Variants in DISP3 observed in about 807,000 individuals in gnomAD.
DISP3 encodes dispatched RND transporter family member 3, also known as protein dispatched homolog 3.
A neutral mutation model predicts 135.3 loss-of-function variants in DISP3; 101 were observed. The ratio of observed to expected loss-of-function variants is 0.75; its 90% CI spans 0.64 to 0.88. DISP3 has a LOEUF of 0.88. Ranked by LOEUF, DISP3 falls within the 40% of genes least tolerant of loss-of-function variation. The pLI, the probability that DISP3 is intolerant of heterozygous loss-of-function variation, is 0.00. For missense variants in DISP3, 1,713 were observed against 1,878.6 expected (o/e 0.91, Z 1.63); for synonymous variants, 856 against 817.0 (o/e 1.05, Z -0.81).
chr1:11,536,239 T>TG lies in DISP3; in HGVS notation c.3817-81dup, dbSNP rs1642702574. On this transcript the variant is annotated intron_variant, in intron 20 of 20. Coordinates refer to ENST00000294484, the MANE Select transcript of DISP3 (RefSeq NM_020780.2). The surrounding 1 kb of genome is among the most constrained non-coding windows in gnomAD (Gnocchi z 4.3). The stretch of plus-strand genomic sequence containing the variant: ...CCAGTAACAGAGCAGGAACCTGGCG[T>TG]GGGGTGGGGGTGCGTGATTCCCCAG... The TG allele has an allele frequency of 2.5e-5, 37 of 1,494,608 alleles. No homozygotes were observed. The South Asian group carries it at 4.9e-4, about 20-fold the overall frequency. 92.6% of individuals were successfully genotyped at this position (1,494,608 alleles called of 1,614,324 possible).
At chr1:11,533,152 C>G (rs1288945342) in intron 17 of DISP3, among the ~76,000 whole-genome samples, 1 of 152,056 alleles carries the variant, frequency 6.6e-6, no homozygotes, top group South Asian at 2.1e-4. Context: ...CCCCCTCCCA[C>G]AGCCACTGGC....
Position 11,496,013 on chromosome 1 carries a change from T to C in DISP3, c.-3-4977T>C, listed in dbSNP as rs537360431. 4.6e-5 allele frequency among the ~76,000 whole-genome samples: 7 copies of C among 152,328 alleles called. No individual in the cohort carries two copies. In the South Asian group the frequency reaches 1.4e-3, roughly 32 times the overall value. On this transcript the variant is annotated intron_variant, in intron 1 of 20. Coordinates refer to ENST00000294484, the MANE Select transcript of DISP3 (RefSeq NM_020780.2). ...ATATACCTGATCATTGCAGAAAAATTAGAAACAGACAAGTACAAAGGAGAA... is the reference window on the plus strand; with the variant it reads ...ATATACCTGATCATTGCAGAAAAATCAGAAACAGACAAGTACAAAGGAGAA...
At position 11,491,535 on chromosome 1, in the gene DISP3, C is replaced by G. The variant is rs117334785; in HGVS notation, c.-3-9455C>G. On this transcript the variant is annotated intron_variant, in intron 1 of 20. Coordinates refer to ENST00000294484, the MANE Select transcript of DISP3 (RefSeq NM_020780.2). The surrounding 1 kb of genome is among the most constrained non-coding windows in gnomAD (Gnocchi z 4.3). Reference sequence around the variant, plus strand: ...CTGAGCGGGGAGGACCACTCGAGCCCGGGAGGTCGAGGCTGCAGTGAACCA... The same window carrying G: ...CTGAGCGGGGAGGACCACTCGAGCCGGGGAGGTCGAGGCTGCAGTGAACCA... Among the ~76,000 whole-genome samples, 161 of 152,136 alleles carry G rather than the reference C, an allele frequency of 1.1e-3. 3 individuals are homozygous for G. The East Asian group carries it at 0.03, about 28-fold the overall frequency.
intron 1 of DISP3, among the ~76,000 whole-genome samples, chr1:11,493,786 T>G (rs1641254306): frequency 6.6e-6 from 1 of 152,068 alleles, no homozygotes; most frequent in African/African-American, 2.4e-5. Flanking sequence ...CAGAATCATG[T>G]TTGGCCAAAT....
Position 11,491,733 on chromosome 1 carries a change from C to T in DISP3, c.-3-9257C>T, listed in dbSNP as rs1641188455. Among the ~76,000 whole-genome samples the T allele has an allele frequency of 6.6e-6, 1 of 152,134 alleles. No homozygotes were observed. Among genetic ancestry groups the T allele is most frequent in the Non-Finnish European group, 1.5e-5 (1 of 68,014 alleles). On this transcript the variant is annotated intron_variant, in intron 1 of 20. Transcript: ENST00000294484. This position sits in a 1 kb window ranked among gnomAD's most constrained non-coding sequence, Gnocchi z 4.3. Reference sequence around the variant, plus strand: ...TAGTGACTCCGATTCACGTAAAAGTCCAAGGATCTTTGGGGCAGAGAATAA... The same window carrying T: ...TAGTGACTCCGATTCACGTAAAAGTTCAAGGATCTTTGGGGCAGAGAATAA...
intron 1 of DISP3, 107 bp from the exon 2 acceptor site, chr1:11,500,883 T>G: frequency 8.0e-7 from 1 of 1,244,392 alleles, no homozygotes; most frequent in East Asian, 2.3e-5. Context: ...GTATTAGTAT[T>G]TGGTTATGAG....
chr1:11,518,348 T>G (rs1642071756), intron 7 of DISP3, among the ~76,000 whole-genome samples: 1 of 152,196 alleles, frequency 6.6e-6, no homozygotes, highest in Non-Finnish European at 1.5e-5. Context: ...GGGCCTGAGA[T>G]GGACTCCTCA....
chr1:11,531,694 C>T lies in DISP3; in HGVS notation c.3359C>T (p.Ser1120Phe), dbSNP rs1387445881. The change falls in exon 17 of 21, where the codon TCC becomes TTC. Residue 1120 changes from serine to phenylalanine, a missense_variant. Coordinates refer to ENST00000294484, the MANE Select transcript of DISP3 (RefSeq NM_020780.2). This position sits in a 1 kb window ranked among gnomAD's most constrained non-coding sequence, Gnocchi z 5.2. ...GVREGRVQWISMAFESTTYKG... is the reference protein window; with the variant it reads ...GVREGRVQWIFMAFESTTYKG... ...AGGGAGGGCCGCGTGCAGTGGATCT[C>T]CATGGCTTTCGAGTCGGTGAGCCCA... The T allele has an allele frequency of 6.2e-7, 1 of 1,605,650 alleles. No individual in the cohort carries two copies. Among genetic ancestry groups the T allele is most frequent in the Non-Finnish European group, 8.5e-7 (1 of 1,175,452 alleles).
chr1:11,534,245 G>C (rs1642648144), intron 17 of DISP3, 136 bp from the exon 18 acceptor site: 1 of 1,067,290 alleles, frequency 9.4e-7, no homozygotes, highest in Non-Finnish European at 1.4e-6. Context: ...ACTCATTTTG[G>C]ATTGAATCGT....
rs1641169968 is a variant in DISP3 at position 11,491,078 on chromosome 1, G to A, written c.-3-9912G>A. On this transcript the variant is annotated intron_variant, in intron 1 of 20. Coordinates refer to ENST00000294484, the MANE Select transcript of DISP3 (RefSeq NM_020780.2). The surrounding 1 kb of genome is among the most constrained non-coding windows in gnomAD (Gnocchi z 4.3). The stretch of plus-strand genomic sequence containing the variant: ...ATCATTTCTTCCCTCCCCATGGATG[G>A]AGGAAAAGACACCCTGAGGAGTGAG... Among the ~76,000 whole-genome samples, 1 of 152,156 alleles carries A rather than the reference G, an allele frequency of 6.6e-6. No individual in the cohort carries two copies. The highest frequency in any genetic ancestry group is 2.4e-5 in the African/African-American group (1 of 41,430).
At chr1:11,524,404 G>C (rs1429201878) in intron 11 of DISP3, among the ~76,000 whole-genome samples, 1 of 151,944 alleles carries the variant, frequency 6.6e-6, no homozygotes, top group African/African-American at 2.4e-5. Flanking sequence ...AAGTGTACTG[G>C]GGGAATGAAT....
intron 12 of DISP3, among the ~76,000 whole-genome samples, chr1:11,526,296 C>A (rs1457459471): frequency 6.6e-6 from 1 of 152,226 alleles, no homozygotes; most frequent in Non-Finnish European, 1.5e-5. Context: ...GCCCTCCTCT[C>A]CCTGCCATTT....
chr1:11,532,342 T>G (rs186160166), intron 17 of DISP3, among the ~76,000 whole-genome samples: 29 of 152,360 alleles, frequency 1.9e-4, no homozygotes, highest in African/African-American at 7.0e-4. Flanking sequence ...TGGTGTGCTC[T>G]GTGTCCCTGA....
In DISP3 at chr1:11,491,491, G is replaced by A. The variant is rs1641180869; in HGVS notation, c.-3-9499G>A. On this transcript the variant is annotated intron_variant, in intron 1 of 20. Coordinates refer to ENST00000294484, the MANE Select transcript of DISP3 (RefSeq NM_020780.2). The surrounding 1 kb of genome is among the most constrained non-coding windows in gnomAD (Gnocchi z 4.3). ...CCAGGTGTGGTGGCATGCACCTGTAGTCTCAGCTACTTGGGAGGCTGAGCG... is the reference window on the plus strand; with the variant it reads ...CCAGGTGTGGTGGCATGCACCTGTAATCTCAGCTACTTGGGAGGCTGAGCG... Among the ~76,000 whole-genome samples, 1 of 152,114 alleles carries A rather than the reference G, an allele frequency of 6.6e-6. No homozygotes were observed. Among genetic ancestry groups the A allele is most frequent in the Non-Finnish European group, 1.5e-5 (1 of 68,022 alleles).
intron 1 of DISP3, among the ~76,000 whole-genome samples, chr1:11,500,425 T>C (rs560311997): frequency 6.6e-6 from 1 of 152,336 alleles, no homozygotes; most frequent in Admixed American, 6.5e-5. Flanking sequence ...TGGCCACTTC[T>C]ATTTTATAGA....
chr1:11,534,329 C>G, intron 17 of DISP3, 52 bp from the exon 18 acceptor site: 1 of 1,600,954 alleles, frequency 6.2e-7, no homozygotes, highest in Non-Finnish European at 8.6e-7. Context: ...CTGGGAAGGG[C>G]GGGTGGGCCA....
intron 1 of DISP3, among the ~76,000 whole-genome samples, chr1:11,496,616 A>G (rs927198508): frequency 5.9e-5 from 9 of 152,184 alleles, no homozygotes; most frequent in African/African-American, 1.9e-4. Flanking sequence ...TCATTTGAGG[A>G]AGGAAAACAA....
Position 11,536,974 on chromosome 1 carries a change from G to C in DISP3, c.*288G>C. 2.2e-6 allele frequency: 1 copy of C among 461,600 alleles called. No individual in the cohort carries two copies. Among genetic ancestry groups the C allele is most frequent in the Non-Finnish European group, 3.9e-6 (1 of 259,298 alleles). 28.6% of individuals were successfully genotyped at this position (461,600 alleles called of 1,614,324 possible). On this transcript the variant is annotated 3_prime_UTR_variant, in exon 21 of 21. Transcript: ENST00000294484. This position sits in a 1 kb window ranked among gnomAD's most constrained non-coding sequence, Gnocchi z 4.3. ...CCTCCCATGCCCGGTCACCATGGGG[G>C]TCAGGTTATTTTTGTAGGGGGTCTC...
chr1:11,518,982 G>A (rs1314959152), intron 7 of DISP3, among the ~76,000 whole-genome samples: 2 of 152,152 alleles, frequency 1.3e-5, no homozygotes, highest in African/African-American at 4.8e-5. Flanking sequence ...GCCCAGCCCT[G>A]TTCCCTCCTC....
Sources: allele counts gnomAD v4.1 joint callset (sites outside exome capture counted in the v4.1 genomes callset), GRCh38; gene constraint gnomAD v4.1.1; non-coding constraint Gnocchi (gnomAD v3.1); transcripts MANE v1.5; gene names NCBI Gene and HGNC (gene_info 2026-07-23, HGNC 2026-07-21).